SKI: variants seen among roughly 807,000 people sequenced by gnomAD.
The protein encoded by SKI is SKI proto-oncogene, also known as ski oncogene.
A neutral mutation model predicts 59.3 loss-of-function variants in SKI; 23 were observed. The ratio of observed to expected loss-of-function variants is 0.39; its 90% confidence interval spans 0.28 to 0.55. SKI has a LOEUF of 0.55. Among genes scored for constraint, SKI ranks in the 20% least tolerant of loss-of-function variants. The pLI, the probability that SKI is intolerant of heterozygous loss-of-function variation, is 0.67. For synonymous variants in SKI, 673 were observed against 488.6 expected (o/e 1.38, Z -4.98); for missense variants, 1,017 against 1,038.9 (o/e 0.98, Z 0.29).
At chr1:2,296,865 C>T (rs977910726) in intron 1 of SKI, among the ~76,000 whole-genome samples, 5 of 152,174 alleles carry the variant, frequency 3.3e-5, no homozygotes, top group Admixed American at 1.3e-4. Context: ...GCGCTCGCAG[C>T]CTCGGCTCTA....
Position 2,228,498 on chromosome 1 carries a change from G to C in SKI, c.-269G>C, listed in dbSNP as rs1638552138. On this transcript the variant is annotated 5_prime_UTR_variant, in exon 1 of 7. Transcript: ENST00000378536. The stretch of plus-strand genomic sequence containing the variant: ...GGGGCGCGCGGGGGACGCGCGGGGG[G>C]CCCGGGCGGCGGCGGGCGCGGCGCG... 7.0e-6 allele frequency among the ~76,000 whole-genome samples: 1 copy of C among 142,562 alleles called. No individual in the cohort carries two copies. Among genetic ancestry groups the C allele is most frequent in the South Asian group, 2.1e-4 (1 of 4,662 alleles). The allele number at this position is 142,562 out of a possible 152,430, so 93.5% of individuals were successfully genotyped here. A position where few individuals can be genotyped will look rare whatever the true frequency, so the allele number is the denominator to read the frequency against.
chr1:2,283,011 C>A (rs1209262408), intron 1 of SKI, among the ~76,000 whole-genome samples: 1 of 152,188 alleles, frequency 6.6e-6, no homozygotes, highest in Non-Finnish European at 1.5e-5. Context: ...GTCTCGGACC[C>A]TCATCTGCCA....
In SKI at chr1:2,228,462, C is replaced by T. The variant is rs1352265217; in HGVS notation, c.-305C>T. Reference sequence around the variant, plus strand: ...GCGCGCGCCGGGGCATGCCCCGCGCCTAGAGCCCGGGGGGCGCGCGGGGGA... The same window carrying T: ...GCGCGCGCCGGGGCATGCCCCGCGCTTAGAGCCCGGGGGGCGCGCGGGGGA... On this transcript the variant is annotated 5_prime_UTR_variant, in exon 1 of 7. Transcript: ENST00000378536. 7.8e-5 allele frequency among the ~76,000 whole-genome samples: 11 copies of T among 141,762 alleles called. No homozygotes were observed. Among genetic ancestry groups the T allele is most frequent in the African/African-American group, 2.5e-4 (10 of 39,488 alleles). 93.0% of individuals were successfully genotyped at this position (141,762 alleles called of 152,430 possible). A position where few individuals can be genotyped will look rare whatever the true frequency, so the allele number is the denominator to read the frequency against.
intron 1 of SKI, among the ~76,000 whole-genome samples, chr1:2,298,624 A>G (rs1640347851): frequency 1.3e-5 from 2 of 152,304 alleles, no homozygotes; most frequent in South Asian, 2.1e-4. Context: ...AGACCAGTCT[A>G]AGGGGAGGCT....
chr1:2,295,283 C>A (rs1463378167), intron 1 of SKI, among the ~76,000 whole-genome samples: 1 of 152,232 alleles, frequency 6.6e-6, no homozygotes, highest in African/African-American at 2.4e-5. Context: ...TCCCAGGCAT[C>A]TCATCCTGTC....
intron 1 of SKI, chr1:2,240,490 C>T (rs1178752118): frequency 8.1e-6 from 8 of 985,276 alleles, no homozygotes; most frequent in African/African-American, 7.0e-5. Context: ...GAGGAGGTCC[C>T]GTGGGTGGTG....
intron 1 of SKI, among the ~76,000 whole-genome samples, chr1:2,275,733 C>T (rs917090807): frequency 6.6e-6 from 1 of 152,178 alleles, no homozygotes; most frequent in Admixed American, 6.5e-5. Context: ...AGGATGCTCT[C>T]GATCTCCTGA....
intron 1 of SKI, among the ~76,000 whole-genome samples, chr1:2,233,002 T>A (rs1638675474): frequency 1.3e-5 from 2 of 152,206 alleles, no homozygotes; most frequent in Admixed American, 1.3e-4. Flanking sequence ...GGACTACATT[T>A]TTTTGTCAGT....
intron 1 of SKI, among the ~76,000 whole-genome samples, chr1:2,241,614 C>T (rs1407174701): frequency 6.6e-6 from 1 of 151,848 alleles, no homozygotes; most frequent in African/African-American, 2.4e-5. Context: ...AGGATGGTCT[C>T]GATCTCCTGA....
chr1:2,283,503 C>G (rs1639961367), intron 1 of SKI, among the ~76,000 whole-genome samples: 1 of 152,224 alleles, frequency 6.6e-6, no homozygotes, highest in Non-Finnish European at 1.5e-5. Context: ...GGGCCGGGGC[C>G]AGGACCAAAG....
intron 1 of SKI, among the ~76,000 whole-genome samples, chr1:2,263,775 C>T (rs113536771): frequency 5.4e-5 from 8 of 149,334 alleles, no homozygotes; most frequent in South Asian, 2.1e-4. Flanking sequence ...GTCAGGAGTT[C>T]GAGACCAGAT....
chr1:2,262,766 G>A (rs1192069075), intron 1 of SKI, among the ~76,000 whole-genome samples: 1 of 152,028 alleles, frequency 6.6e-6, no homozygotes, highest in African/African-American at 2.4e-5. Flanking sequence ...TATGGTGAGT[G>A]TCTTTCTATT....
At position 2,229,705 on chromosome 1, in the gene SKI, T is replaced by C. The variant is rs1638588268; in HGVS notation, c.939T>C (p.Tyr313=). 10 of 1,588,034 alleles carry C rather than the reference T, an allele frequency of 6.3e-6. No individual in the cohort carries two copies. The highest frequency in any genetic ancestry group is 8.6e-6 in the Non-Finnish European group (10 of 1,168,238). ...ACGACGTGAAGGAGAAATTCGACTATGGCAACAAGTACAAGCGGCGGGTGC... is the reference window on the plus strand; with the variant it reads ...ACGACGTGAAGGAGAAATTCGACTACGGCAACAAGTACAAGCGGCGGGTGC... The part of the protein sequence containing the change: ...CLDDVKEKFD[Y]GNKYKRRVPR... The change falls in exon 1 of 7, where the codon TAT becomes TAC. Residue 313 remains tyrosine (Y), a synonymous_variant. Coordinates refer to ENST00000378536, the MANE Select transcript of SKI (RefSeq NM_003036.4). This position sits in a 1 kb window ranked among gnomAD's most constrained non-coding sequence, Gnocchi z 6.3.
chr1:2,232,807 A>G (rs1183813316), intron 1 of SKI: 1 of 152,266 alleles, frequency 6.6e-6, no homozygotes, highest in Non-Finnish European at 1.5e-5. Flanking sequence ...ACTGGGGACT[A>G]CTGTTTATTG....
chr1:2,262,429 G>GGGTGGGAGT, intron 1 of SKI, among the ~76,000 whole-genome samples: 1 of 150,842 alleles, frequency 6.6e-6, no homozygotes, highest in South Asian at 2.1e-4. Context: ...GTCAGAGTTT[G>GGGTGGGAGT]GGTGGGAGTG....
chr1:2,242,372 C>T (rs55781948), intron 1 of SKI, among the ~76,000 whole-genome samples: 4,168 of 152,196 alleles, frequency 0.027, 75 homozygotes, highest in Non-Finnish European at 0.039. Flanking sequence ...TGTTTGTTCA[C>T]GTCAGGGGAG....
At chr1:2,273,576 C>G (rs1017082437) in intron 1 of SKI, among the ~76,000 whole-genome samples, 2 of 152,142 alleles carry the variant, frequency 1.3e-5, no homozygotes, top group Admixed American at 6.5e-5. Flanking sequence ...GCGGTCCTCC[C>G]CAGCCTTGTG....
At chr1:2,299,558 A>G (rs1640373805) in intron 1 of SKI, among the ~76,000 whole-genome samples, 1 of 151,992 alleles carries the variant, frequency 6.6e-6, no homozygotes, top group African/African-American at 2.4e-5. Context: ...CCTCCCTGCC[A>G]GGGTAGGGGA....
At chr1:2,282,522 A>G (rs12057498) in intron 1 of SKI, among the ~76,000 whole-genome samples, 22,665 of 81,090 alleles carry the variant, frequency 0.28, 4,621 homozygotes, top group South Asian at 0.47. Context: ...GAAGACAGGC[A>G]GTGGCGGAGA....
Sources: gnomAD v4.1 joint callset for allele counts (sites outside exome capture counted in the v4.1 genomes callset) on GRCh38, gnomAD v4.1.1 for gene constraint, Gnocchi (gnomAD v3.1) non-coding constraint, MANE v1.5 for transcripts, NCBI Gene and HGNC (gene_info 2026-07-23, HGNC 2026-07-21) for gene names.